Variants in CC2D1A observed in about 807,000 individuals in gnomAD.
CC2D1A encodes coiled-coil and C2 domain containing 1A, also known as coiled-coil and C2 domain-containing protein 1A.
Under a neutral mutation model 123.8 loss-of-function variants are expected in CC2D1A, and 68 were observed. The ratio of observed to expected loss-of-function variants is 0.55; its 90% CI spans 0.45 to 0.67. CC2D1A has a LOEUF of 0.67. Among genes scored for constraint, CC2D1A ranks in the 30% least tolerant of loss-of-function variants. CC2D1A has a pLI of 0.00. For synonymous variants in CC2D1A, 477 were observed against 528.0 expected (o/e 0.90, Z 1.32); for missense variants, 1,185 against 1,290.3 (o/e 0.92, Z 1.25).
chr19:13,918,077 C>T lies in CC2D1A; in HGVS notation c.756C>T (p.Cys252=). ...LAKPQMPPGP[C]SPGPLAQLQS... is the part of the protein sequence containing the mutation. ...TGTTGTTCTCCCTTCCAGGTCCCTGCAGCCCTGGCCCTCTGGCCCAGTTGC... is the reference window on the plus strand; with the variant it reads ...TGTTGTTCTCCCTTCCAGGTCCCTGTAGCCCTGGCCCTCTGGCCCAGTTGC... Residue 252 remains cysteine, a synonymous_variant, in exon 7 of 29, where the codon TGC becomes TGT. Coordinates refer to ENST00000318003, the MANE Select transcript of CC2D1A (RefSeq NM_017721.5). 1 of 1,613,184 alleles carries T rather than the reference C, an allele frequency of 6.2e-7. No individual in the cohort carries two copies. The highest frequency in any genetic ancestry group is 1.1e-5 in the South Asian group (1 of 91,002).
In CC2D1A at chr19:13,906,267, C is replaced by T; in HGVS notation, c.-175C>T. The T allele has an allele frequency of 2.1e-6, 1 of 485,216 alleles. No homozygotes were observed. The allele number at this position is 485,216 out of a possible 1,614,324, so 30.1% of individuals were successfully genotyped here. A position where few individuals can be genotyped will look rare whatever the true frequency, so the allele number is the denominator to read the frequency against. On this transcript the variant is annotated 5_prime_UTR_variant, in exon 1 of 29. Coordinates refer to ENST00000318003, the MANE Select transcript of CC2D1A (RefSeq NM_017721.5). The surrounding 1 kb of genome is among the most constrained non-coding windows in gnomAD (Gnocchi z 4.1). ...CTCCGGTGCGGCGGCGCCCGAGGCC[C>T]GAGGCGGAAGTGGGACGGCCAAGCA... is the stretch of plus-strand genomic sequence containing the variant.
rs1440188188 is a variant in CC2D1A, at chr19:13,919,199, C to G, written c.1219C>G (p.Pro407Ala). 1.2e-6 allele frequency: 2 copies of G among 1,611,638 alleles called. No homozygotes were observed. The highest frequency in any genetic ancestry group is 2.2e-5 in the South Asian group (2 of 90,890). ...GGATGTCGCTGAATTGCCCGTGCCC[C>G]CAGGTAGGCCTTGCCCCTGTAGGCC... ...AVDVAELPVP[P>A]GFPPIQGLEA... Residue 407 changes from proline to alanine, a missense_variant, in exon 11 of 29, where the codon CCA (proline) becomes GCA (alanine). Pro to Ala is a conservative substitution (Grantham distance 27). Transcript: ENST00000318003.
At chr19:13,928,390 ATATCCAGGC>A (rs1658837436) in intron 24 of CC2D1A, among the ~76,000 whole-genome samples, 1 of 152,018 alleles carries the variant, frequency 6.6e-6, no homozygotes, top group Admixed American at 6.6e-5. Flanking sequence ...CATTGTCAAC[ATATCCAGGC>A]TTCTCTCTCC....
chr19:13,911,533 T>TTG (rs1322996927), intron 2 of CC2D1A, among the ~76,000 whole-genome samples: 6 of 145,808 alleles, frequency 4.1e-5, no homozygotes, highest in Non-Finnish European at 5.9e-5. Flanking sequence ...TTTGTTGTTG[T>TTG]TGTGTGTGTG....
In CC2D1A at chr19:13,929,517, C is replaced by G; in HGVS notation, c.2584-17C>G. ...AGGCCCAGGCAGGATCCTCACAGGA[C>G]CCTCTGTATCCTCTAGATCCTGGCC... On this transcript the variant is annotated splice_polypyrimidine_tract_variant and intron_variant, in intron 25 of 28. Coordinates refer to ENST00000318003, the MANE Select transcript of CC2D1A (RefSeq NM_017721.5). 6.2e-7 allele frequency: 1 copy of G among 1,612,296 alleles called. No homozygotes were observed. The highest frequency in any genetic ancestry group is 8.5e-7 in the Non-Finnish European group (1 of 1,179,846).
rs774058378 is a variant in CC2D1A, at chr19:13,909,874, G to C, written c.112G>C (p.Gly38Arg). The C allele has an allele frequency of 7.6e-6, 12 of 1,575,774 alleles. No homozygotes were observed. The highest frequency in any genetic ancestry group is 1.0e-5 in the Non-Finnish European group (12 of 1,158,866). The part of the protein sequence containing the change: ...SPDGLMIPED[G>R]ANDEELEAEF... Reference sequence around the variant, plus strand: ...AGATGGCCTGATGATCCCTGAGGACGGGGCTAACGATGAAGAACTGGAGGC... The same window carrying C: ...AGATGGCCTGATGATCCCTGAGGACCGGGCTAACGATGAAGAACTGGAGGC... The change falls in exon 2 of 29, where the codon GGG becomes CGG. Residue 38 changes from glycine (G) to arginine (R), a missense_variant. Physicochemically the swap from Gly to Arg is moderately radical, Grantham distance 125. Transcript: ENST00000318003.
Position 13,909,962 on chromosome 19 carries a change from A to G in CC2D1A, c.196+4A>G, listed in dbSNP as rs966973194. 1 of 1,512,350 alleles carries G rather than the reference A, an allele frequency of 6.6e-7. No homozygotes were observed. The highest frequency in any genetic ancestry group is 8.9e-7 in the Non-Finnish European group (1 of 1,129,898). 93.7% of individuals were successfully genotyped at this position (1,512,350 alleles called of 1,614,324 possible). On this transcript the variant is annotated splice_donor_region_variant and intron_variant, in intron 2 of 28. Coordinates refer to ENST00000318003, the MANE Select transcript of CC2D1A (RefSeq NM_017721.5). ...CTGGAGAAGCTCAAAGGCAAAGGTGAGATGGTTAACACACCCTCAGAACAT... is the reference window on the plus strand; with the variant it reads ...CTGGAGAAGCTCAAAGGCAAAGGTGGGATGGTTAACACACCCTCAGAACAT...
intron 17 of CC2D1A, among the ~76,000 whole-genome samples, chr19:13,925,996 G>GTGTGTATATATATATACGTATATATA (rs1568418693): frequency 5.7e-5 from 6 of 106,100 alleles, no homozygotes; most frequent in African/African-American, 1.1e-4. Context: ...ATACATATAT[G>GTGTGTATATATATATACGTATATATA]TGTGTATATA....
rs749031761 is a variant in CC2D1A, at chr19:13,913,484, A to G, written c.594A>G (p.Gly198=). Reference sequence around the variant, plus strand: ...ACATCCCGCCGCCAGTGGCCATAGGAAAAGGCCCGGCGTCCACGCCTACCT... The same window carrying G: ...ACATCCCGCCGCCAGTGGCCATAGGGAAAGGCCCGGCGTCCACGCCTACCT... ...EADIPPPVAI[G]KGPASTPTYS... Residue 198 remains glycine (G), a synonymous_variant, in exon 6 of 29, where the codon GGA becomes GGG. Coordinates refer to ENST00000318003, the MANE Select transcript of CC2D1A (RefSeq NM_017721.5). 1.2e-6 allele frequency: 2 copies of G among 1,614,194 alleles called. No individual in the cohort carries two copies. The highest frequency in any genetic ancestry group is 1.1e-5 in the South Asian group (1 of 91,090).
chr19:13,917,708 G>A (rs1007422690), intron 6 of CC2D1A, among the ~76,000 whole-genome samples: 2 of 152,052 alleles, frequency 1.3e-5, no homozygotes, highest in South Asian at 2.1e-4. Flanking sequence ...GCCAGGCGCG[G>A]TGGTTCACAC....
Position 13,926,594 on chromosome 19 carries a change from AG to A in CC2D1A, c.2014+9del. ...ATCAACTTGCCCACACCCCCAGGTG[AG>A]GGGGCTGTAGGCAAGGGTCAGGGTC... On this transcript the variant is annotated splice_donor_5th_base_variant and intron_variant, in intron 18 of 28. Coordinates refer to ENST00000318003, the MANE Select transcript of CC2D1A (RefSeq NM_017721.5). 1 of 1,613,996 alleles carries A rather than the reference AG, an allele frequency of 6.2e-7. No homozygotes were observed. Among genetic ancestry groups the A allele is most frequent in the African/African-American group, 1.3e-5 (1 of 75,024 alleles).
chr19:13,924,330 C>T (rs1971518715), intron 17 of CC2D1A, among the ~76,000 whole-genome samples: 1 of 152,018 alleles, frequency 6.6e-6, no homozygotes, highest in African/African-American at 2.4e-5. Flanking sequence ...ACCACCACGC[C>T]TGGCTAATTT....
intron 6 of CC2D1A, among the ~76,000 whole-genome samples, chr19:13,917,488 T>G (rs543720078): frequency 6.6e-6 from 1 of 152,274 alleles, no homozygotes; most frequent in Admixed American, 6.5e-5. Context: ...AACTCACACC[T>G]GTAATCCTAC....
intron 11 of CC2D1A, 128 bp from the exon 12 acceptor site, chr19:13,919,690 A>AG: frequency 1.0e-6 from 1 of 991,048 alleles, no homozygotes; most frequent in Non-Finnish European, 1.4e-6. Context: ...AAAAAAAAAA[A>AG]TTAATTAATT....
chr19:13,911,610 A>G (rs1971001279), intron 2 of CC2D1A, among the ~76,000 whole-genome samples: 1 of 150,288 alleles, frequency 6.7e-6, no homozygotes, highest in Non-Finnish European at 1.5e-5. Flanking sequence ...CAGTGGCGCA[A>G]TCTCAGCTCA....
Position 13,923,921 on chromosome 19 carries a change from T to G in CC2D1A, c.1940+110T>G. The stretch of plus-strand genomic sequence containing the variant: ...CACAAGATTTACATCTGGAAGAAAT[T>G]TTGGATAGGTGGAAGAGCACAGAGC... On this transcript the variant is annotated intron_variant, in intron 17 of 28. Transcript: ENST00000318003. The surrounding 1 kb of genome is among the most constrained non-coding windows in gnomAD (Gnocchi z 5.3). The G allele has an allele frequency of 1.3e-6, 1 of 791,612 alleles. No homozygotes were observed. Among genetic ancestry groups the G allele is most frequent in the Non-Finnish European group, 2.1e-6 (1 of 474,032 alleles). 49.0% of individuals were successfully genotyped at this position (791,612 alleles called of 1,614,324 possible).
chr19:13,929,954 G>A (rs1340435345), intron 26 of CC2D1A, 124 bp from the exon 27 acceptor site: 7 of 812,410 alleles, frequency 8.6e-6, no homozygotes, highest in East Asian at 5.5e-5. Context: ...TGGGCACCTG[G>A]AGGGGGAGGG....
intron 14 of CC2D1A, among the ~76,000 whole-genome samples, chr19:13,922,409 A>G (rs942337654): frequency 2.0e-5 from 3 of 152,014 alleles, no homozygotes; most frequent in Non-Finnish European, 2.9e-5. Context: ...TGCAGTTCCC[A>G]CTGCCTGAAT....
rs769189689 is a variant in CC2D1A at position 13,919,827 on chromosome 19, C to A, written c.1232C>A (p.Pro411Gln). Reference sequence around the variant, plus strand: ...TCGACTGGCCACCCAGGCTTCCCCCCAATCCAGGGCCTGGAGGCCACCAAG... The same window carrying A: ...TCGACTGGCCACCCAGGCTTCCCCCAAATCCAGGGCCTGGAGGCCACCAAG... ...AELPVPPGFP[P>Q]IQGLEATKPT... Residue 411 changes from proline to glutamine, a missense_variant, in exon 12 of 29, where the codon CCA becomes CAA. By Grantham distance (76) the Pro-to-Gln change is moderately conservative. Transcript: ENST00000318003. 6 of 1,602,202 alleles carry A rather than the reference C, an allele frequency of 3.7e-6. No homozygotes were observed. The highest frequency in any genetic ancestry group is 5.1e-6 in the Non-Finnish European group (6 of 1,172,356).
Sources: gnomAD v4.1 joint callset for allele counts (sites outside exome capture counted in the v4.1 genomes callset) on GRCh38, gnomAD v4.1.1 for gene constraint, Gnocchi (gnomAD v3.1) non-coding constraint, MANE v1.5 for transcripts, NCBI Gene and HGNC (gene_info 2026-07-23, HGNC 2026-07-21) for gene names.